Variants in PDK1 observed in about 807,000 individuals in gnomAD.
The protein encoded by PDK1 is [Pyruvate dehydrogenase (acetyl-transferring)] kinase isozyme 1, mitochondrial.
In PDK1, 39 loss-of-function variants were observed where a neutral mutation model predicts 54.2. The observed-to-expected ratio is 0.72, with a 90% CI of 0.56 to 0.94. The LOEUF (loss-of-function observed/expected upper bound fraction) is 0.94. Among genes scored for constraint, PDK1 ranks in the 40% least tolerant of loss-of-function variants. The probability of loss-of-function intolerance (pLI) is 0.00; values close to 1 mark genes in which losing one functional copy is unlikely to be tolerated. For missense variants in PDK1, 552 were observed against 566.0 expected (o/e 0.98, Z 0.25); for synonymous variants, 221 against 207.1 (o/e 1.07, Z -0.58).
At chr2:172,695,266 G>A in the PDK1 span, among the ~76,000 whole-genome samples, 1 of 152,154 alleles carries the variant, frequency 6.6e-6, no homozygotes, top group Non-Finnish European at 1.5e-5. Context: ...AAGAACCCAT[G>A]GATGCCATAC....
intron 5 of PDK1, 86 bp from the exon 6 acceptor site, chr2:172,566,770 G>T: frequency 4.3e-6 from 3 of 696,334 alleles, no homozygotes; most frequent in Non-Finnish European, 4.7e-6. Context: ...TCAAGACTTT[G>T]ATTTGTCAAT....
At chr2:172,675,162 ACTCT>A in the PDK1 span, among the ~76,000 whole-genome samples, 3 of 151,322 alleles carry the variant, frequency 2.0e-5, no homozygotes, top group Non-Finnish European at 4.4e-5. Context: ...TCTCTCTCTC[ACTCT>A]CTCTCTCCTC....
the PDK1 span, among the ~76,000 whole-genome samples, chr2:172,709,959 GA>G: frequency 6.6e-6 from 1 of 150,556 alleles, no homozygotes; most frequent in Non-Finnish European, 1.5e-5. Context: ...TTGCAGTAAA[GA>G]AAAAAAAAGT....
the PDK1 span, among the ~76,000 whole-genome samples, chr2:172,668,945 A>AGAGAGAGAGG: frequency 2.1e-4 from 31 of 147,336 alleles, 2 homozygotes; most frequent in East Asian, 1.9e-3. Flanking sequence ...AGAGAAAGAG[A>AGAGAGAGAGG]GAGAGACGGA....
chr2:172,683,215 C>T, the PDK1 span, among the ~76,000 whole-genome samples: 1 of 151,940 alleles, frequency 6.6e-6, no homozygotes, highest in Non-Finnish European at 1.5e-5. Context: ...GGCGTGGTGG[C>T]AGGCGCCTAT....
the PDK1 span, among the ~76,000 whole-genome samples, chr2:172,614,243 C>T: frequency 0.32 from 47,321 of 145,814 alleles, 8,452 homozygotes; most frequent in African/African-American, 0.51. Context: ...ATGGAAGGGG[C>T]GAGTCCCCAG....
chr2:172,592,268 G>A (rs548481920), intron 9 of PDK1, among the ~76,000 whole-genome samples: 23 of 152,286 alleles, frequency 1.5e-4, no homozygotes, highest in Admixed American at 9.1e-4. Context: ...TGAAGGAATA[G>A]GGTACACTGT....
rs1175087926 is a variant in PDK1 at position 172,583,281 on chromosome 2, G to GTTTTTTTTTTTTT, written c.946-2978_946-2966dup. On this transcript the variant is annotated intron_variant, in intron 8 of 10. Transcript: ENST00000282077. ...CATAATGCTGCATAAAAGTTTTCTG[G>GTTTTTTTTTTTTT]TTTTTTTTTTTTTTTTTTTTTTTTT... 4.7e-4 allele frequency among the ~76,000 whole-genome samples: 36 copies of GTTTTTTTTTTTTT among 77,076 alleles called. 5 individuals carry two copies. The highest frequency in any genetic ancestry group is 1.8e-3 in the African/African-American group (34 of 18,482). The allele number at this position is 77,076 out of a possible 152,430, so 50.6% of individuals were successfully genotyped here.
At chr2:172,659,256 C>T in the PDK1 span, among the ~76,000 whole-genome samples, 6 of 152,172 alleles carry the variant, frequency 3.9e-5, no homozygotes, top group African/African-American at 9.7e-5. Flanking sequence ...CGGTTTCCCC[C>T]GATAAAACCA....
At chr2:172,640,245 A>C in the PDK1 span, among the ~76,000 whole-genome samples, 1 of 152,230 alleles carries the variant, frequency 6.6e-6, no homozygotes, top group Non-Finnish European at 1.5e-5. Context: ...TAGTACGGTT[A>C]AGTTATGGAC....
At chr2:172,611,731 A>G (rs1175826990), downstream of PDK1, among the ~76,000 whole-genome samples, 1 of 152,272 alleles carries the variant, frequency 6.6e-6, no homozygotes, top group Non-Finnish European at 1.5e-5. Flanking sequence ...CTAAGTAAGG[A>G]TGGTTCAAGA....
intron 8 of PDK1, among the ~76,000 whole-genome samples, chr2:172,573,203 C>T (rs1689376145): frequency 6.6e-6 from 1 of 152,162 alleles, no homozygotes; most frequent in Non-Finnish European, 1.5e-5. Context: ...TTTGCATTGT[C>T]ATCAACAATG....
chr2:172,671,917 G>A, the PDK1 span, among the ~76,000 whole-genome samples: 42 of 152,126 alleles, frequency 2.8e-4, no homozygotes, highest in Non-Finnish European at 1.5e-5. Flanking sequence ...GGAGAAAGAT[G>A]AATTCTCAAT....
chr2:172,617,598 A>C, the PDK1 span, among the ~76,000 whole-genome samples: 4 of 151,706 alleles, frequency 2.6e-5, no homozygotes, highest in Non-Finnish European at 5.9e-5. Flanking sequence ...CAGCAAACCA[A>C]CTCCTGCAGG....
At chr2:172,652,132 G>C in the PDK1 span, among the ~76,000 whole-genome samples, 1 of 152,162 alleles carries the variant, frequency 6.6e-6, no homozygotes, top group East Asian at 1.9e-4. Context: ...GACCAAGTTG[G>C]CTTCATCCCT....
chr2:172,556,170 T>C lies in PDK1; in HGVS notation c.20T>C (p.Leu7Pro). Residue 7 changes from leucine (L) to proline (P), a missense_variant, in exon 1 of 11, where the codon CTT (leucine) becomes CCT (proline). Coordinates refer to ENST00000282077, the MANE Select transcript of PDK1 (RefSeq NM_002610.5). ...CTCGGCATGAGGCTGGCGCGGCTGC[T>C]TCGCGGAGCCGCCTTGGCCGGCCCG... The part of the protein sequence containing the change: MRLARL[L>P]RGAALAGPGP... 1.4e-6 allele frequency: 2 copies of C among 1,416,494 alleles called. No homozygotes were observed. Among genetic ancestry groups the C allele is most frequent in the African/African-American group, 1.5e-5 (1 of 66,418 alleles). The allele number at this position is 1,416,494 out of a possible 1,614,324, so 87.7% of individuals were successfully genotyped here.
chr2:172,703,835 C>A, the PDK1 span, among the ~76,000 whole-genome samples: 13 of 132,472 alleles, frequency 9.8e-5, no homozygotes, highest in African/African-American at 3.8e-4. Flanking sequence ...TGCAGTTGTG[C>A]GATCTCAGCT....
intron 9 of PDK1, among the ~76,000 whole-genome samples, chr2:172,588,558 TAGG>T (rs1353426632): frequency 4.6e-5 from 7 of 152,182 alleles, no homozygotes; most frequent in East Asian, 3.8e-4. Context: ...TTTAAGAAAA[TAGG>T]AGGCTTGACC....
At position 172,601,096 on chromosome 2, in the gene PDK1, T is replaced by C. The variant is rs1225757409; in HGVS notation, c.*5127T>C. On this transcript the variant is annotated 3_prime_UTR_variant, in exon 11 of 11. Coordinates refer to ENST00000282077, the MANE Select transcript of PDK1 (RefSeq NM_002610.5). ...CGCTTTACCCTGTCTACCTAAATTC[T>C]TTCTGCCTTCTATAACAATTGTATG... 6.6e-6 allele frequency: 1 copy of C among 152,214 alleles called. No homozygotes were observed. Among genetic ancestry groups the C allele is most frequent in the African/African-American group, 2.4e-5 (1 of 41,460 alleles). 9.4% of individuals were successfully genotyped at this position (152,214 alleles called of 1,614,324 possible).
Sources: gnomAD v4.1 joint callset for allele counts (sites outside exome capture counted in the v4.1 genomes callset) on GRCh38, gnomAD v4.1.1 for gene constraint, MANE v1.5 for transcripts, NCBI Gene and HGNC (gene_info 2026-07-23, HGNC 2026-07-21) for gene names.